The following ZNF385D variants were observed in gnomAD, a reference collection of about 807,000 sequenced individuals.
ZNF385D encodes the protein zinc finger protein 659.
A neutral mutation model predicts 35.8 loss-of-function variants in ZNF385D; 15 were observed. The observed-to-expected ratio is 0.42, with a 90% confidence interval of 0.28 to 0.64. ZNF385D has a LOEUF of 0.64. Among genes scored for constraint, ZNF385D ranks in the 30% least tolerant of loss-of-function variants. The probability of loss-of-function intolerance (pLI) is 0.23; values close to 1 mark genes in which losing one functional copy is unlikely to be tolerated. For missense variants in ZNF385D, 474 were observed against 494.6 expected (o/e 0.96, Z 0.39); for synonymous variants, 212 against 186.8 (o/e 1.13, Z -1.10).
chr3:21,874,987 CCT>C (rs1559712907), intron 3 of ZNF385D, among the ~76,000 whole-genome samples: 1 of 122,006 alleles, frequency 8.2e-6, no homozygotes, highest in African/African-American at 3.1e-5. Context: ...TATTTTGATG[CCT>C]TTTTTTATTT....
chr3:21,611,391 G>A (rs955973492), intron 2 of ZNF385D, among the ~76,000 whole-genome samples: 2 of 152,018 alleles, frequency 1.3e-5, no homozygotes, highest in African/African-American at 4.8e-5. Context: ...TCCTTCTGGG[G>A]GAAAAGCAAA....
At chr3:21,760,711 T>C (rs1204854474) in intron 3 of ZNF385D, among the ~76,000 whole-genome samples, 1 of 152,168 alleles carries the variant, frequency 6.6e-6, no homozygotes, top group African/African-American at 2.4e-5. Flanking sequence ...AAATATAGAA[T>C]ACAATTCATA....
At chr3:21,832,448 G>C (rs2125766883) in intron 3 of ZNF385D, among the ~76,000 whole-genome samples, 1 of 152,250 alleles carries the variant, frequency 6.6e-6, no homozygotes, top group East Asian at 1.9e-4. Flanking sequence ...TTCCTTTCTA[G>C]CTAATAGGGT....
intron 2 of ZNF385D, among the ~76,000 whole-genome samples, chr3:21,649,074 A>G (rs1409806633): frequency 1.3e-5 from 2 of 152,136 alleles, no homozygotes; most frequent in Non-Finnish European, 2.9e-5. Context: ...GATACTCAAT[A>G]TGTGGTCTGT....
chr3:22,025,196 C>A lies in ZNF385D; in HGVS notation c.325+143621G>T, dbSNP rs545521700. 3.3e-5 allele frequency among the ~76,000 whole-genome samples: 5 copies of A among 152,206 alleles called. No homozygotes were observed. In the East Asian group the frequency reaches 9.7e-4, roughly 30 times the overall value. On this transcript the variant is annotated intron_variant, in intron 3 of 5. Coordinates refer to the ZNF385D transcript ENST00000494108. Reference sequence around the variant, plus strand: ...AGTAGTGGCAACATACCCTCCTCACCCATGCTGCCATCAGCCTTTCCACTT... The same window carrying A: ...AGTAGTGGCAACATACCCTCCTCACACATGCTGCCATCAGCCTTTCCACTT...
intron 3 of ZNF385D, among the ~76,000 whole-genome samples, chr3:22,009,328 TA>T (rs1446675875): frequency 6.6e-6 from 1 of 151,520 alleles, no homozygotes; most frequent in Non-Finnish European, 1.5e-5. Context: ...AAATATTTTT[TA>T]AAAAATAGAT....
At chr3:21,598,360 A>G (rs1261057059) in intron 2 of ZNF385D, among the ~76,000 whole-genome samples, 2 of 152,212 alleles carry the variant, frequency 1.3e-5, no homozygotes, top group African/African-American at 4.8e-5. Context: ...CTAATGAGTG[A>G]AAAATCCACA....
intron 3 of ZNF385D, among the ~76,000 whole-genome samples, chr3:21,556,327 G>A (rs58497066): frequency 0.014 from 2,111 of 152,106 alleles, 48 homozygotes; most frequent in African/African-American, 0.048. Flanking sequence ...TATTGCCTAG[G>A]TTTTCTTCTA....
chr3:21,646,770 T>C lies in ZNF385D; in HGVS notation c.165+18116A>G, dbSNP rs1335203296. On this transcript the variant is annotated intron_variant, in intron 2 of 7. Coordinates refer to ENST00000281523, the MANE Select transcript of ZNF385D (RefSeq NM_024697.3). The surrounding 1 kb of genome is among the most constrained non-coding windows in gnomAD (Gnocchi z 4.3). ...ATATCATCTGGGAATGTATTAAACC[T>C]GCATTCTGGGCCTATGGCTTTCATA... Among the ~76,000 whole-genome samples the C allele has an allele frequency of 6.6e-6, 1 of 152,190 alleles. No homozygotes were observed. Among genetic ancestry groups the C allele is most frequent in the Non-Finnish European group, 1.5e-5 (1 of 68,028 alleles).
At chr3:21,516,406 G>C (rs972533227) in intron 3 of ZNF385D, among the ~76,000 whole-genome samples, 7 of 152,050 alleles carry the variant, frequency 4.6e-5, no homozygotes, top group Non-Finnish European at 1.0e-4. Flanking sequence ...AGACAAAGGA[G>C]AATTTCTCAG....
At chr3:22,093,112 C>A (rs1041728029) in intron 3 of ZNF385D, among the ~76,000 whole-genome samples, 1 of 151,704 alleles carries the variant, frequency 6.6e-6, no homozygotes, top group African/African-American at 2.4e-5. Flanking sequence ...GTGTTGGTGC[C>A]AAATGAAACA....
At chr3:22,063,401 G>C (rs1475487214) in intron 3 of ZNF385D, among the ~76,000 whole-genome samples, 1 of 151,994 alleles carries the variant, frequency 6.6e-6, no homozygotes, top group Non-Finnish European at 1.5e-5. Flanking sequence ...GAGTTACAGA[G>C]AGCCTAGTTT....
At chr3:21,744,377 C>T (rs985858842) in intron 1 of ZNF385D, among the ~76,000 whole-genome samples, 1 of 152,164 alleles carries the variant, frequency 6.6e-6, no homozygotes, top group African/African-American at 2.4e-5. Flanking sequence ...CAGCAAAATC[C>T]ATGAATATGA....
At chr3:21,647,138 T>C (rs2065774989) in intron 2 of ZNF385D, among the ~76,000 whole-genome samples, 1 of 152,210 alleles carries the variant, frequency 6.6e-6, no homozygotes, top group Non-Finnish European at 1.5e-5. Flanking sequence ...GATTTGGCTT[T>C]TAAGTAAAGT....
Position 21,886,121 on chromosome 3 carries a change from A to AT in ZNF385D, c.326-221094dup, listed in dbSNP as rs1441820480. Among the ~76,000 whole-genome samples, 17 of 152,202 alleles carry AT rather than the reference A, an allele frequency of 1.1e-4. No individual in the cohort carries two copies. The Middle Eastern group carries it at 0.01, about 91-fold the overall frequency. On this transcript the variant is annotated intron_variant, in intron 3 of 5. Transcript: ENST00000494108. ...TAACCATCACATAGATACATGGATA[A>AT]TTTTTCTTACAGTATCAGTAAAAAT...
At chr3:22,230,188 T>C (rs771219926) in intron 2 of ZNF385D, among the ~76,000 whole-genome samples, 38 of 152,198 alleles carry the variant, frequency 2.5e-4, no homozygotes, top group Non-Finnish European at 5.4e-4. Context: ...GAAACTCATT[T>C]TCTATTGCAC....
intron 3 of ZNF385D, among the ~76,000 whole-genome samples, chr3:22,141,970 T>C (rs1210776428): frequency 6.6e-6 from 1 of 152,154 alleles, no homozygotes; most frequent in Non-Finnish European, 1.5e-5. Flanking sequence ...CATTTCAACA[T>C]TTAACCACAT....
At chr3:22,200,437 C>A (rs1376404722) in intron 2 of ZNF385D, among the ~76,000 whole-genome samples, 1 of 151,894 alleles carries the variant, frequency 6.6e-6, no homozygotes, top group Non-Finnish European at 1.5e-5. Context: ...AGGGAGTATA[C>A]AAATAGGGTG....
chr3:21,957,280 A>T (rs1309686017), intron 3 of ZNF385D: 1 of 153,084 alleles, frequency 6.5e-6, no homozygotes, highest in Non-Finnish European at 1.5e-5. Context: ...TAATATAGTA[A>T]ATTGGTACCG....
Sources: gnomAD v4.1 joint callset for allele counts (sites outside exome capture counted in the v4.1 genomes callset) on GRCh38, gnomAD v4.1.1 for gene constraint, Gnocchi (gnomAD v3.1) non-coding constraint, MANE v1.5 for transcripts, NCBI Gene and HGNC (gene_info 2026-07-23, HGNC 2026-07-21) for gene names.